The following TMEM232 variants were observed in gnomAD, a reference collection of about 807,000 sequenced individuals.
TMEM232 encodes the protein transmembrane protein 232.
TMEM232 carries 80 observed loss-of-function variants against 78.8 expected under a neutral mutation model. The ratio of observed to expected loss-of-function variants is 1.01; its 90% CI spans 0.85 to 1.22. The LOEUF (loss-of-function observed/expected upper bound fraction) is 1.22, where lower values mean the gene tolerates loss of function less well. Ranked by LOEUF, TMEM232 falls within the 50% of genes most tolerant of loss-of-function variation. The pLI, the probability that TMEM232 is intolerant of heterozygous loss-of-function variation, is 0.00. For missense variants in TMEM232, 881 were observed against 742.2 expected (o/e 1.19, Z -2.17); for synonymous variants, 297 against 254.3 (o/e 1.17, Z -1.60).
At chr5:110,393,403 T>C (rs944445568) in intron 3 of TMEM232, among the ~76,000 whole-genome samples, 3 of 152,234 alleles carry the variant, frequency 2.0e-5, no homozygotes, top group African/African-American at 7.2e-5. Flanking sequence ...AATATACCTC[T>C]CTATCCTGCA....
At chr5:110,704,041 C>T (rs1464803245) in intron 1 of TMEM232, among the ~76,000 whole-genome samples, 1 of 152,180 alleles carries the variant, frequency 6.6e-6, no homozygotes, top group African/African-American at 2.4e-5. Flanking sequence ...AACAAACCAA[C>T]TTATTGAAAG....
At chr5:110,699,555 G>A (rs1795199980) in intron 1 of TMEM232, among the ~76,000 whole-genome samples, 1 of 151,980 alleles carries the variant, frequency 6.6e-6, no homozygotes, top group African/African-American at 2.4e-5. Context: ...CAGAAAGAAT[G>A]GGATAGAATT....
At chr5:110,602,215 C>T (rs1367088948) in intron 10 of TMEM232, among the ~76,000 whole-genome samples, 1 of 152,012 alleles carries the variant, frequency 6.6e-6, no homozygotes, top group Non-Finnish European at 1.5e-5. Flanking sequence ...CTAAGCAATA[C>T]CATTCAGGAC....
chr5:110,721,669 G>GTATATA (rs749643657), intron 1 of TMEM232, among the ~76,000 whole-genome samples: 2 of 23,858 alleles, frequency 8.4e-5, no homozygotes, highest in African/African-American at 1.6e-4. Flanking sequence ...GTGTGTGTGT[G>GTATATA]TGTGTATATA....
chr5:110,621,476 T>A (rs1783742959), intron 7 of TMEM232, among the ~76,000 whole-genome samples: 1 of 152,192 alleles, frequency 6.6e-6, no homozygotes. Flanking sequence ...ATATTCAGTC[T>A]ATTAAAAATT....
rs1243998015 is a variant in TMEM232, at chr5:110,481,597, C to T, written c.1703+46991G>A. On this transcript the variant is annotated intron_variant, in intron 12 of 13. Transcript: ENST00000455884. ...AGAGGTAGTGCCATTAAATGCTCATCATGTGCAACATTTTGACTCTGAGAA... is the reference window on the plus strand; with the variant it reads ...AGAGGTAGTGCCATTAAATGCTCATTATGTGCAACATTTTGACTCTGAGAA... Among the ~76,000 whole-genome samples the T allele has an allele frequency of 2.6e-5, 4 of 152,114 alleles. No individual in the cohort carries two copies. The East Asian group carries it at 5.8e-4, about 22-fold the overall frequency.
At chr5:110,484,628 C>A (rs376706879) in intron 12 of TMEM232, among the ~76,000 whole-genome samples, 1 of 151,770 alleles carries the variant, frequency 6.6e-6, no homozygotes, top group South Asian at 2.1e-4. Flanking sequence ...AGATAAAATA[C>A]ACAAACAGTA....
At chr5:110,452,826 C>T (rs1380074809) in intron 12 of TMEM232, among the ~76,000 whole-genome samples, 2 of 152,142 alleles carry the variant, frequency 1.3e-5, no homozygotes, top group African/African-American at 2.4e-5. Flanking sequence ...TTATGCCAAA[C>T]GTGTTTGTCA....
At chr5:110,493,610 T>C (rs1057272696) in intron 12 of TMEM232, among the ~76,000 whole-genome samples, 28 of 152,024 alleles carry the variant, frequency 1.8e-4, no homozygotes, top group African/African-American at 5.8e-4. Flanking sequence ...GGTGTGTAAA[T>C]ATTGGCTACT....
chr5:110,563,051 T>G (rs1209743551), intron 11 of TMEM232, among the ~76,000 whole-genome samples: 7 of 152,010 alleles, frequency 4.6e-5, no homozygotes, highest in Non-Finnish European at 4.4e-5. Context: ...TCAATATAAC[T>G]GCTTTTAGAA....
intron 1 of TMEM232, among the ~76,000 whole-genome samples, chr5:110,694,353 C>A (rs1040408865): frequency 1.3e-5 from 2 of 152,152 alleles, no homozygotes; most frequent in African/African-American, 4.8e-5. Flanking sequence ...CAAAAACATG[C>A]CAAATTGCAA....
At chr5:110,677,702 T>C (rs527773831) in intron 1 of TMEM232, among the ~76,000 whole-genome samples, 3 of 152,276 alleles carry the variant, frequency 2.0e-5, no homozygotes, top group East Asian at 3.9e-4. Flanking sequence ...GGAGAACTTA[T>C]AGGAACTGGC....
In TMEM232 at chr5:110,548,740, C is replaced by G. The variant is rs574549422; in HGVS notation, c.1455+19707G>C. Among the ~76,000 whole-genome samples, 14 of 151,970 alleles carry G rather than the reference C, an allele frequency of 9.2e-5. No individual in the cohort carries two copies. The South Asian group carries it at 2.9e-3, about 32-fold the overall frequency. ...CAGTAATTTTCAGGTTAAAAAAATA[C>G]CACTTCTCCTTAGAGACATACATAT... On this transcript the variant is annotated intron_variant, in intron 11 of 13. Coordinates refer to ENST00000455884, the MANE Select transcript of TMEM232 (RefSeq NM_001039763.4).
chr5:110,595,664 GA>G (rs1780071550), intron 10 of TMEM232, among the ~76,000 whole-genome samples: 2 of 152,022 alleles, frequency 1.3e-5, no homozygotes, highest in Admixed American at 1.3e-4. Flanking sequence ...TCAAGTGGAA[GA>G]AAAGATATCA....
intron 11 of TMEM232, among the ~76,000 whole-genome samples, chr5:110,537,469 C>G (rs1334524827): frequency 6.6e-6 from 1 of 151,946 alleles, no homozygotes; most frequent in Non-Finnish European, 1.5e-5. Context: ...ATACCAAAAC[C>G]TAACAATCTG....
chr5:110,422,316 C>T (rs1756731870), intron 13 of TMEM232, among the ~76,000 whole-genome samples: 1 of 151,486 alleles, frequency 6.6e-6, no homozygotes, highest in African/African-American at 2.4e-5. Context: ...GAGATGGAGA[C>T]CATCCTGGCT....
At chr5:110,472,754 C>T (rs1429353362) in intron 12 of TMEM232, among the ~76,000 whole-genome samples, 1 of 151,758 alleles carries the variant, frequency 6.6e-6, no homozygotes, top group African/African-American at 2.4e-5. Context: ...GTATAGAGAG[C>T]CCAGAAATAA....
At chr5:110,542,587 G>A (rs1773272941) in intron 11 of TMEM232, among the ~76,000 whole-genome samples, 1 of 152,056 alleles carries the variant, frequency 6.6e-6, no homozygotes, top group Admixed American at 6.6e-5. Flanking sequence ...GCATGAAGCA[G>A]TTACAGAAGA....
At chr5:110,681,584 G>A (rs569167106) in intron 1 of TMEM232, among the ~76,000 whole-genome samples, 6 of 152,056 alleles carry the variant, frequency 3.9e-5, no homozygotes, top group Admixed American at 1.3e-4. Context: ...ATCTTCATCC[G>A]AAAAAAGGGG....
Sources: gnomAD v4.1 joint callset for allele counts (sites outside exome capture counted in the v4.1 genomes callset) on GRCh38, gnomAD v4.1.1 for gene constraint, MANE v1.5 for transcripts, NCBI Gene and HGNC (gene_info 2026-07-23, HGNC 2026-07-21) for gene names.